The following ATP10B variants were observed in gnomAD, a reference collection of about 807,000 sequenced individuals.
ATP10B encodes the protein ATPase phospholipid transporting 10B (putative).
A neutral mutation model predicts 141.2 loss-of-function variants in ATP10B; 122 were observed. The ratio of observed to expected loss-of-function variants is 0.86; its 90% CI spans 0.75 to 1.00. ATP10B has a LOEUF of 1.00. ATP10B is among the 50% of genes least tolerant of loss of function. The pLI, the probability that ATP10B is intolerant of heterozygous loss-of-function variation, is 0.00. For synonymous variants in ATP10B, 685 were observed against 692.0 expected (o/e 0.99, Z 0.16); for missense variants, 1,876 against 1,825.3 (o/e 1.03, Z -0.51).
the ATP10B span, among the ~76,000 whole-genome samples, chr5:160,881,177 G>A: frequency 6.6e-6 from 1 of 152,118 alleles, no homozygotes; most frequent in Non-Finnish European, 1.5e-5. Context: ...ATAAGCATAT[G>A]AAAAAATGTT....
intron 2 of ATP10B, among the ~76,000 whole-genome samples, chr5:160,734,956 G>A (rs1003455315): frequency 6.6e-6 from 1 of 151,828 alleles, no homozygotes; most frequent in Non-Finnish European, 1.5e-5. Flanking sequence ...GATGGTATTT[G>A]TAAGCCTCAT....
rs575763496 is a variant in ATP10B at position 160,831,774 on chromosome 5, A to G, written c.-576+20167T>C. Among the ~76,000 whole-genome samples, 9 of 152,274 alleles carry G rather than the reference A, an allele frequency of 5.9e-5. No homozygotes were observed. In the East Asian group the frequency reaches 1.4e-3, roughly 23 times the overall value. On this transcript the variant is annotated intron_variant, in intron 1 of 25. Coordinates refer to ENST00000327245, the MANE Select transcript of ATP10B (RefSeq NM_025153.3). Reference sequence around the variant, plus strand: ...ACAAACATATAAATTTATTTTAAAAAGAACAAAATTGTTTACAGTTCTATA... The same window carrying G: ...ACAAACATATAAATTTATTTTAAAAGGAACAAAATTGTTTACAGTTCTATA...
chr5:160,873,152 G>T, the ATP10B span, among the ~76,000 whole-genome samples: 1 of 147,468 alleles, frequency 6.8e-6, no homozygotes, highest in East Asian at 2.0e-4. Context: ...TTATAAAACA[G>T]TTTGAGTTCT....
intron 1 of ATP10B, among the ~76,000 whole-genome samples, chr5:160,813,858 T>C (rs967150054): frequency 2.0e-5 from 3 of 152,182 alleles, no homozygotes; most frequent in African/African-American, 7.2e-5. Flanking sequence ...CCACTGCTGA[T>C]ACCCAGGCAA....
chr5:160,638,721 C>G (rs1264213447), intron 10 of ATP10B, among the ~76,000 whole-genome samples: 2 of 152,204 alleles, frequency 1.3e-5, no homozygotes, highest in East Asian at 3.8e-4. Flanking sequence ...CGATTTCTGA[C>G]TAATGCAAGT....
At position 160,746,873 on chromosome 5, in the gene ATP10B, G is replaced by A. The variant is rs543102724; in HGVS notation, c.-330-29839C>T. On this transcript the variant is annotated intron_variant, in intron 2 of 25. Coordinates refer to ENST00000327245, the MANE Select transcript of ATP10B (RefSeq NM_025153.3). The stretch of plus-strand genomic sequence containing the variant: ...CCCAGAGATGGGAGGTAAATTGCCC[G>A]AGGTCACACAGCAAGTGGCAAGACT... 5.3e-5 allele frequency among the ~76,000 whole-genome samples: 8 copies of A among 152,282 alleles called. No individual in the cohort carries two copies. The South Asian group carries it at 6.2e-4, about 12-fold the overall frequency.
intron 2 of ATP10B, among the ~76,000 whole-genome samples, chr5:160,759,502 A>G (rs1397755841): frequency 6.6e-6 from 1 of 152,066 alleles, no homozygotes; most frequent in Non-Finnish European, 1.5e-5. Flanking sequence ...TAAATGAACA[A>G]TTTTTTTTAA....
intron 2 of ATP10B, among the ~76,000 whole-genome samples, chr5:160,783,562 T>TACACACACACACACAC (rs57796332): frequency 3.8e-5 from 5 of 131,292 alleles, no homozygotes; most frequent in African/African-American, 1.4e-4. Flanking sequence ...ATATATATGA[T>TACACACACACACACAC]ACACACACAC....
chr5:160,913,389 T>C, the ATP10B span, among the ~76,000 whole-genome samples: 1 of 152,194 alleles, frequency 6.6e-6, no homozygotes, highest in Admixed American at 6.5e-5. Context: ...CAGCATTTTG[T>C]TGGATCATGG....
intron 1 of ATP10B, among the ~76,000 whole-genome samples, chr5:160,836,769 C>CAA (rs1203744672): frequency 6.6e-6 from 1 of 152,054 alleles, no homozygotes; most frequent in Non-Finnish European, 1.5e-5. Flanking sequence ...GCATAACCTT[C>CAA]AAAGCTGAGA....
At chr5:160,783,401 GATATATCTATCCATGGAT>G (rs1218429054) in intron 2 of ATP10B, among the ~76,000 whole-genome samples, 1 of 89,686 alleles carries the variant, frequency 1.1e-5, no homozygotes, top group Non-Finnish European at 2.2e-5. Flanking sequence ...ATATGTGATG[GATATATCTATCCATGGAT>G]ATATCCATGG....
At chr5:160,851,499 A>G (rs1354998258) in intron 1 of ATP10B, among the ~76,000 whole-genome samples, 1 of 152,164 alleles carries the variant, frequency 6.6e-6, no homozygotes, top group Non-Finnish European at 1.5e-5. Flanking sequence ...CTACTGCAAT[A>G]TGGCAGCTTC....
At chr5:160,643,094 C>T (rs138962125) in intron 9 of ATP10B, among the ~76,000 whole-genome samples, 11 of 152,212 alleles carry the variant, frequency 7.2e-5, no homozygotes, top group Non-Finnish European at 1.5e-4. Context: ...TAAAGATCTT[C>T]GAAATAAGTC....
chr5:160,680,506 T>C (rs1281001478), intron 6 of ATP10B, among the ~76,000 whole-genome samples: 2 of 152,226 alleles, frequency 1.3e-5, no homozygotes, highest in Admixed American at 1.3e-4. Flanking sequence ...TAGGGACATA[T>C]AGTATAGAAT....
At chr5:160,668,820 A>C (rs1403020544) in intron 7 of ATP10B, among the ~76,000 whole-genome samples, 1 of 152,198 alleles carries the variant, frequency 6.6e-6, no homozygotes, top group African/African-American at 2.4e-5. Flanking sequence ...AGCTATTATT[A>C]TTCCCATGAT....
chr5:160,607,417 T>C (rs1350153798), intron 18 of ATP10B, among the ~76,000 whole-genome samples: 1 of 152,228 alleles, frequency 6.6e-6, no homozygotes, highest in Non-Finnish European at 1.5e-5. Context: ...CATGCTGGTA[T>C]GGTGCTTTCT....
chr5:160,774,041 G>C (rs762447805), intron 2 of ATP10B, among the ~76,000 whole-genome samples: 8 of 152,118 alleles, frequency 5.3e-5, no homozygotes, highest in Non-Finnish European at 1.2e-4. Context: ...ACAGACTCCC[G>C]ATTTAGTGTT....
chr5:160,816,686 A>T (rs1773661681), intron 1 of ATP10B, among the ~76,000 whole-genome samples: 1 of 152,208 alleles, frequency 6.6e-6, no homozygotes, highest in African/African-American at 2.4e-5. Context: ...AAAGCCGGAC[A>T]GAGACACAAG....
At chr5:160,607,687 T>C (rs1006417053) in intron 18 of ATP10B, among the ~76,000 whole-genome samples, 1 of 152,232 alleles carries the variant, frequency 6.6e-6, no homozygotes, top group African/African-American at 2.4e-5. Flanking sequence ...GCATGAAGCA[T>C]TGATCACATT....
Sources: gnomAD v4.1 joint callset for allele counts (sites outside exome capture counted in the v4.1 genomes callset) on GRCh38, gnomAD v4.1.1 for gene constraint, MANE v1.5 for transcripts, NCBI Gene and HGNC (gene_info 2026-07-23, HGNC 2026-07-21) for gene names.